PDE10A: variants seen among roughly 807,000 people sequenced by gnomAD.
The protein encoded by PDE10A is cAMP and cAMP-inhibited cGMP 3',5'-cyclic phosphodiesterase 10A.
A neutral mutation model predicts 97.7 loss-of-function variants in PDE10A; 39 were observed. The observed-to-expected ratio is 0.40, with a 90% CI of 0.31 to 0.52. The LOEUF (loss-of-function observed/expected upper bound fraction) is 0.52, where lower values mean the gene tolerates loss of function less well. PDE10A is among the 20% of genes least tolerant of loss of function. PDE10A has a pLI of 0.56. For missense variants in PDE10A, 731 were observed against 1,047.8 expected, an observed-to-expected ratio of 0.70 and a Z score of 4.17; for synonymous variants, 371 against 376.8, an observed-to-expected ratio of 0.98 and a Z score of 0.18.
intron 1 of PDE10A, among the ~76,000 whole-genome samples, chr6:165,701,548 A>G (rs758310998): frequency 2.6e-5 from 4 of 152,190 alleles, no homozygotes; most frequent in Admixed American, 6.5e-5. Context: ...AAAAGCCACA[A>G]TCTGGAAGAG....
chr6:165,622,417 T>C (rs2874919), intron 1 of PDE10A, among the ~76,000 whole-genome samples: 29,483 of 152,000 alleles, frequency 0.19, 4,302 homozygotes, highest in African/African-American at 0.42. Context: ...GCCTACTACA[T>C]ACCAAGGCTT....
At chr6:165,499,292 T>A (rs1428274328) in intron 2 of PDE10A, among the ~76,000 whole-genome samples, 2 of 152,064 alleles carry the variant, frequency 1.3e-5, no homozygotes, top group Non-Finnish European at 2.9e-5. Context: ...TACACTTACA[T>A]CTCCAGAAGG....
chr6:165,901,312 C>A (rs1054425032), intron 1 of PDE10A, among the ~76,000 whole-genome samples: 1 of 152,210 alleles, frequency 6.6e-6, no homozygotes, highest in Non-Finnish European at 1.5e-5. Context: ...AGCTCCACAC[C>A]AGGTATGTCT....
At chr6:165,550,192 T>C (rs1256610639) in intron 1 of PDE10A, among the ~76,000 whole-genome samples, 1 of 152,208 alleles carries the variant, frequency 6.6e-6, no homozygotes, top group Non-Finnish European at 1.5e-5. Flanking sequence ...TCAAGCCCTC[T>C]GTCCTTCCTC....
intron 18 of PDE10A, among the ~76,000 whole-genome samples, chr6:165,352,027 T>C (rs1359234642): frequency 6.6e-6 from 1 of 152,134 alleles, no homozygotes; most frequent in African/African-American, 2.4e-5. Flanking sequence ...TTAATTTTTG[T>C]ATTTTTAGTA....
chr6:165,734,989 G>C (rs1252001184), intron 1 of PDE10A, among the ~76,000 whole-genome samples: 1 of 147,882 alleles, frequency 6.8e-6, no homozygotes, highest in African/African-American at 2.7e-5. Context: ...TAGATAGATA[G>C]ATAGTAGGTA....
rs187209942 is a variant in PDE10A, at chr6:165,542,667, G to A, written c.994+773C>T. On this transcript the variant is annotated intron_variant, in intron 2 of 21. Transcript: ENST00000539869. ...ACAGTCTTGCTCTGTTGCCCAGGCT[G>A]GAGTGCAGTGGCGCGATCTCGGCTC... Among the ~76,000 whole-genome samples the A allele has an allele frequency of 8.4e-3, 1,090 of 129,516 alleles. 8 individuals carry two copies. The highest frequency in any genetic ancestry group is 0.013 in the Non-Finnish European group (845 of 64,414). 85.0% of individuals were successfully genotyped at this position (129,516 alleles called of 152,430 possible).
At chr6:165,972,450 T>C (rs1306170917) in intron 1 of PDE10A, among the ~76,000 whole-genome samples, 1 of 152,042 alleles carries the variant, frequency 6.6e-6, no homozygotes, top group Non-Finnish European at 1.5e-5. Flanking sequence ...CCAGTCTCTG[T>C]CACGAAAAAA....
chr6:165,727,032 C>T lies in PDE10A; in HGVS notation c.-614-183464G>A, dbSNP rs141556710. Among the ~76,000 whole-genome samples the T allele has an allele frequency of 4.5e-3, 686 of 152,284 alleles. 7 individuals carry two copies. Among genetic ancestry groups the T allele is most frequent in the African/African-American group, 0.016 (659 of 41,564 alleles). On this transcript the variant is annotated intron_variant, in intron 1 of 19. Transcript: ENST00000366882. ...CGTGGGGGGTTCCCCTGGGACCGAGCACGTGGGGATTCTCCTGCCCTGCAC... is the reference window on the plus strand; with the variant it reads ...CGTGGGGGGTTCCCCTGGGACCGAGTACGTGGGGATTCTCCTGCCCTGCAC...
Position 165,379,385 on chromosome 6 carries a change from T to A in PDE10A, c.2611-19A>T, listed in dbSNP as rs201480437. On this transcript the variant is annotated intron_variant, in intron 17 of 21. Coordinates refer to ENST00000539869, the MANE Select transcript of PDE10A (RefSeq NM_001385079.1). ...CTTCCAACTAGGGAAAAAATACAAA[T>A]AAAAACCACCAATAACAAGCACAAG... The A allele has an allele frequency of 6.3e-6, 10 of 1,590,450 alleles. No individual in the cohort carries two copies. Among genetic ancestry groups the A allele is most frequent in the Non-Finnish European group, 6.9e-6 (8 of 1,165,356 alleles).
chr6:165,735,784 A>G (rs1349144314), intron 1 of PDE10A, among the ~76,000 whole-genome samples: 1 of 152,246 alleles, frequency 6.6e-6, no homozygotes, highest in Non-Finnish European at 1.5e-5. Context: ...CCTCACAGAA[A>G]CATGCAGACT....
At chr6:165,509,938 T>C (rs1293956565) in intron 2 of PDE10A, among the ~76,000 whole-genome samples, 8 of 152,072 alleles carry the variant, frequency 5.3e-5, no homozygotes, top group Non-Finnish European at 7.4e-5. Context: ...CCTGCAACTA[T>C]ACTGTATTTG....
At chr6:165,827,541 C>A (rs1183816288) in intron 1 of PDE10A, among the ~76,000 whole-genome samples, 2 of 152,226 alleles carry the variant, frequency 1.3e-5, no homozygotes, top group Non-Finnish European at 2.9e-5. Context: ...CAGAAACACA[C>A]CTTACGTGGT....
intron 10 of PDE10A, among the ~76,000 whole-genome samples, chr6:165,423,677 C>T (rs1233131571): frequency 4.6e-5 from 7 of 152,054 alleles, no homozygotes. Context: ...ACCATCCTGG[C>T]CAACATGGTG....
At chr6:165,810,850 C>T (rs553812084) in intron 1 of PDE10A, among the ~76,000 whole-genome samples, 1 of 152,116 alleles carries the variant, frequency 6.6e-6, no homozygotes, top group Admixed American at 6.5e-5. Context: ...TCTGTCTTTC[C>T]TAACACCACT....
At chr6:165,434,619 T>C (rs980255365) in intron 6 of PDE10A, among the ~76,000 whole-genome samples, 1 of 152,182 alleles carries the variant, frequency 6.6e-6, no homozygotes, top group Admixed American at 6.5e-5. Context: ...ATGTAAGCAG[T>C]GGCTTGAAAA....
intron 1 of PDE10A, among the ~76,000 whole-genome samples, chr6:165,558,031 AC>A (rs759118162): frequency 4.6e-5 from 7 of 152,210 alleles, no homozygotes; most frequent in Non-Finnish European, 1.0e-4. Flanking sequence ...GATATGCCTA[AC>A]CTATGGAGCG....
At chr6:165,905,333 G>A (rs1439982045) in intron 1 of PDE10A, among the ~76,000 whole-genome samples, 1 of 152,068 alleles carries the variant, frequency 6.6e-6, no homozygotes, top group African/African-American at 2.4e-5. Context: ...TAAATTAGTA[G>A]ACAATATTAA....
chr6:165,646,644 T>C (rs912255494), intron 1 of PDE10A, among the ~76,000 whole-genome samples: 2 of 152,180 alleles, frequency 1.3e-5, no homozygotes, highest in African/African-American at 4.8e-5. Flanking sequence ...AACTCAAGCT[T>C]ATGATGTCGA....
Sources: allele counts gnomAD v4.1 joint callset (sites outside exome capture counted in the v4.1 genomes callset), GRCh38; gene constraint gnomAD v4.1.1; transcripts MANE v1.5; gene names NCBI Gene and HGNC (gene_info 2026-07-23, HGNC 2026-07-21).